PTPRS: variants seen among roughly 807,000 people sequenced by gnomAD.
PTPRS encodes the protein receptor-type tyrosine-protein phosphatase S.
A neutral mutation model predicts 215.3 loss-of-function variants in PTPRS; 63 were observed. The ratio of observed to expected loss-of-function variants is 0.29; its 90% CI spans 0.24 to 0.36. The LOEUF (loss-of-function observed/expected upper bound fraction) is 0.36, where lower values mean the gene tolerates loss of function less well. Among genes scored for constraint, PTPRS ranks in the 10% least tolerant of loss-of-function variants. The probability of loss-of-function intolerance (pLI) is 1.00; values close to 1 mark genes in which losing one functional copy is unlikely to be tolerated. For missense variants in PTPRS, 2,258 were observed against 2,825.8 expected, an observed-to-expected ratio of 0.80 and a Z score of 4.56; for synonymous variants, 1,404 against 1,191.4, an observed-to-expected ratio of 1.18 and a Z score of -3.68.
intron 18 of PTPRS, among the ~76,000 whole-genome samples, 157 bp downstream of exon 18, chr19:5,222,532 T>G (rs1157873235): frequency 4.0e-5 from 6 of 148,472 alleles, no homozygotes; most frequent in Non-Finnish European, 8.9e-5. Context: ...GTCCCACCTT[T>G]GCCAACGCCG....
intron 14 of PTPRS, among the ~76,000 whole-genome samples, chr19:5,230,903 C>T (rs921353583): frequency 6.6e-6 from 1 of 152,204 alleles, no homozygotes; most frequent in Non-Finnish European, 1.5e-5. Context: ...AGGACGGGAA[C>T]ATTTACACCA....
intron 17 of PTPRS, among the ~76,000 whole-genome samples, chr19:5,225,483 CTG>C: frequency 6.8e-6 from 1 of 147,784 alleles, no homozygotes; most frequent in Non-Finnish European, 1.5e-5. Context: ...TGGCTGTTAA[CTG>C]TTTCTGTCTG....
rs574833656 is a variant in PTPRS at position 5,261,492 on chromosome 19, C to G, written c.578-670G>C. Among the ~76,000 whole-genome samples, 19 of 152,282 alleles carry G rather than the reference C, an allele frequency of 1.2e-4. No homozygotes were observed. In the East Asian group the frequency reaches 3.7e-3, roughly 29 times the overall value. ...AACTGCAAAGCAGGAAAAGGCGGCT[C>G]GGGGCTGGAACGTTACTCCCTCTGC... On this transcript the variant is annotated intron_variant, in intron 6 of 37. Coordinates refer to ENST00000262963, the MANE Select transcript of PTPRS (RefSeq NM_002850.4).
At chr19:5,221,736 G>A (rs1236706682) in intron 19 of PTPRS, among the ~76,000 whole-genome samples, 1 of 151,926 alleles carries the variant, frequency 6.6e-6, no homozygotes, top group East Asian at 1.9e-4. Context: ...CTGACCTCAG[G>A]CTAAGTACCA....
chr19:5,318,058 C>T (rs2049926113), intron 1 of PTPRS, among the ~76,000 whole-genome samples: 1 of 152,046 alleles, frequency 6.6e-6, no homozygotes, highest in Non-Finnish European at 1.5e-5. Context: ...GTAGTCCCAG[C>T]TACTCAGGAG....
At chr19:5,221,398 T>C (rs1599449311) in intron 19 of PTPRS, 145 bp from the exon 20 acceptor site, 1 of 581,532 alleles carries the variant, frequency 1.7e-6, no homozygotes, top group Non-Finnish European at 2.7e-6. Context: ...GACTGATCCC[T>C]GATCCCAGGC....
At chr19:5,242,223 G>A (rs760667802) in intron 11 of PTPRS, among the ~76,000 whole-genome samples, 2 of 152,176 alleles carry the variant, frequency 1.3e-5, no homozygotes, top group Non-Finnish European at 2.9e-5. Context: ...GCCAACAGGG[G>A]TGAGGAGTTA....
At chr19:5,243,028 A>G (rs1158040928) in intron 11 of PTPRS, among the ~76,000 whole-genome samples, 1 of 151,918 alleles carries the variant, frequency 6.6e-6, no homozygotes, top group East Asian at 1.9e-4. Context: ...TATATTGTCC[A>G]GGCTGGACTG....
At chr19:5,313,615 G>T (rs1046013801) in intron 1 of PTPRS, among the ~76,000 whole-genome samples, 1 of 152,172 alleles carries the variant, frequency 6.6e-6, no homozygotes, top group African/African-American at 2.4e-5. Flanking sequence ...TCAAGAGGAC[G>T]GGAAATGTCA....
chr19:5,281,114 T>C (rs766609943), intron 2 of PTPRS, among the ~76,000 whole-genome samples: 7 of 151,838 alleles, frequency 4.6e-5, no homozygotes, highest in Non-Finnish European at 7.4e-5. Context: ...TTTATCCCTC[T>C]GTTGCAGCAA....
At chr19:5,272,415 T>C (rs1434236290) in intron 4 of PTPRS, among the ~76,000 whole-genome samples, 2 of 151,378 alleles carry the variant, frequency 1.3e-5, no homozygotes, top group African/African-American at 2.4e-5. Context: ...CTGGCCAACA[T>C]GGTGAAACCC....
intron 1 of PTPRS, among the ~76,000 whole-genome samples, chr19:5,326,195 C>T (rs552644327): frequency 7.9e-5 from 12 of 152,294 alleles, no homozygotes; most frequent in Admixed American, 3.9e-4. Context: ...CGGGCCATTG[C>T]ACTCCAGCCT....
rs1490882134 is a variant in PTPRS at position 5,257,397 on chromosome 19, G to A, written c.706+620C>T. 1 of 456,656 alleles carries A rather than the reference G, an allele frequency of 2.2e-6. No individual in the cohort carries two copies. The highest frequency in any genetic ancestry group is 6.9e-5 in the East Asian group (1 of 14,418). The allele number at this position is 456,656 out of a possible 1,614,324, so 28.3% of individuals were successfully genotyped here. ...CCCCCGGGTGCCTGTGCCCGCTGTG[G>A]CTCCAGCCTCCCATCGGCCTGGACT... On this transcript the variant is annotated intron_variant, in intron 8 of 37. Coordinates refer to ENST00000262963, the MANE Select transcript of PTPRS (RefSeq NM_002850.4). The surrounding 1 kb of genome is among the most constrained non-coding windows in gnomAD (Gnocchi z 4.4).
chr19:5,222,295 G>A (rs2042045191), intron 18 of PTPRS, 75 bp from the exon 19 acceptor site: 2 of 1,303,252 alleles, frequency 1.5e-6, no homozygotes, highest in Admixed American at 1.7e-5. Flanking sequence ...GTGGCGTGAA[G>A]CGGGGTGGGG....
chr19:5,274,317 T>C lies in PTPRS; in HGVS notation c.119A>G (p.Lys40Arg), dbSNP rs115231439. The C allele has an allele frequency of 6.4e-7, 1 of 1,574,536 alleles. No individual in the cohort carries two copies. The highest frequency in any genetic ancestry group is 2.5e-5 in the East Asian group (1 of 40,518). Residue 40 changes from lysine (K) to arginine (R), a missense_variant, in exon 3 of 38, where the codon AAG becomes AGG. Lys to Arg is a conservative substitution (Grantham distance 26, BLOSUM62 2). Transcript: ENST00000262963. ...EEPPRFIKEP[K>R]DQIGVSGGVA... Reference sequence around the variant, plus strand: ...ACCCCCCGACACGCCGATCTGGTCCTTGGGTTCTTTGATAAACCTGGGGGG... The same window carrying C: ...ACCCCCCGACACGCCGATCTGGTCCCTGGGTTCTTTGATAAACCTGGGGGG...
At chr19:5,207,591 C>T (rs760135983) in intron 37 of PTPRS, among the ~76,000 whole-genome samples, 1 of 152,226 alleles carries the variant, frequency 6.6e-6, no homozygotes, top group Non-Finnish European at 1.5e-5. Context: ...GTCTGGGCCT[C>T]AGTTTCCCCA....
At chr19:5,330,815 G>C (rs1263806745) in intron 1 of PTPRS, among the ~76,000 whole-genome samples, 1 of 152,142 alleles carries the variant, frequency 6.6e-6, no homozygotes, top group Non-Finnish European at 1.5e-5. Flanking sequence ...GGGGCCAAGA[G>C]AAAAAGTCCT....
intron 17 of PTPRS, among the ~76,000 whole-genome samples, chr19:5,224,443 C>T (rs903074524): frequency 2.0e-5 from 3 of 152,162 alleles, no homozygotes; most frequent in African/African-American, 7.2e-5. Flanking sequence ...GGCACCTGAC[C>T]AATACCCATG....
intron 1 of PTPRS, among the ~76,000 whole-genome samples, chr19:5,337,531 G>T (rs2050544723): frequency 6.6e-6 from 1 of 152,218 alleles, no homozygotes; most frequent in Admixed American, 6.5e-5. Context: ...TCAGACATCT[G>T]TGAACCGCTG....
Sources: allele counts gnomAD v4.1 joint callset (sites outside exome capture counted in the v4.1 genomes callset), GRCh38; gene constraint gnomAD v4.1.1; non-coding constraint Gnocchi (gnomAD v3.1); transcripts MANE v1.5; gene names NCBI Gene and HGNC (gene_info 2026-07-23, HGNC 2026-07-21).